Variants in GRID2 observed in about 807,000 individuals in gnomAD.
GRID2 encodes the protein glutamate ionotropic receptor delta type subunit 2.
A neutral mutation model predicts 114.8 loss-of-function variants in GRID2; 33 were observed. The observed-to-expected ratio is 0.29, with a 90% CI of 0.22 to 0.38. The LOEUF is 0.38. Ranked by LOEUF, GRID2 falls within the 10% of genes least tolerant of loss-of-function variation. The pLI is 1.00. For synonymous variants in GRID2, 505 were observed against 449.9 expected (o/e 1.12, Z -1.55); for missense variants, 1,184 against 1,257.7 (o/e 0.94, Z 0.89).
intron 3 of GRID2, among the ~76,000 whole-genome samples, chr4:93,108,480 GCT>G (rs1484968734): frequency 7.9e-5 from 12 of 152,192 alleles, no homozygotes; most frequent in African/African-American, 2.4e-4. Context: ...CTCTAGTCAT[GCT>G]CTGTTTTCTG....
chr4:92,397,705 C>G (rs1730568504), intron 1 of GRID2, among the ~76,000 whole-genome samples: 1 of 151,964 alleles, frequency 6.6e-6, no homozygotes, highest in Admixed American at 6.6e-5. Context: ...TAGCTCCCAT[C>G]ATGAGGGGAA....
At chr4:92,572,895 T>C (rs1223299161) in intron 1 of GRID2, among the ~76,000 whole-genome samples, 1 of 152,112 alleles carries the variant, frequency 6.6e-6, no homozygotes, top group African/African-American at 2.4e-5. Flanking sequence ...TCAGTAGGAA[T>C]GGTACTGGCT....
chr4:92,836,180 G>A (rs1280846319), intron 2 of GRID2, among the ~76,000 whole-genome samples: 3 of 152,124 alleles, frequency 2.0e-5, no homozygotes, highest in African/African-American at 4.8e-5. Context: ...GAGATCATAC[G>A]GTTGGCCAAG....
intron 2 of GRID2, among the ~76,000 whole-genome samples, chr4:92,865,021 C>T (rs1210975817): frequency 6.6e-6 from 1 of 152,070 alleles, no homozygotes; most frequent in Non-Finnish European, 1.5e-5. Flanking sequence ...TCTACTAAAC[C>T]TACAAAACTT....
intron 8 of GRID2, among the ~76,000 whole-genome samples, chr4:93,370,507 G>A (rs563638331): frequency 6.1e-5 from 9 of 146,898 alleles, no homozygotes; most frequent in Admixed American, 2.0e-4. Flanking sequence ...ACACACACAC[G>A]CACACACAGT....
intron 12 of GRID2, among the ~76,000 whole-genome samples, chr4:93,510,520 C>T (rs942325485): frequency 1.3e-5 from 2 of 152,116 alleles, no homozygotes; most frequent in Non-Finnish European, 2.9e-5. Flanking sequence ...TTTAATATAA[C>T]ATTATTTCAT....
intron 2 of GRID2, among the ~76,000 whole-genome samples, chr4:92,679,425 A>C (rs1733537364): frequency 6.6e-6 from 1 of 151,988 alleles, no homozygotes; most frequent in Non-Finnish European, 1.5e-5. Context: ...CCCTCTGTCT[A>C]CTTCTATCAC....
At position 93,210,403 on chromosome 4, in the gene GRID2, A is replaced by G. The variant is rs546639756; in HGVS notation, c.789+2946A>G. ...TCTCAAAGATCAGGTAGTTGCAGGT[A>G]TGCAGCCTTATATCTGGGCAATCTG... is the stretch of plus-strand genomic sequence containing the variant. On this transcript the variant is annotated intron_variant, in intron 5 of 15. Transcript: ENST00000282020. Among the ~76,000 whole-genome samples, 3 of 152,164 alleles carry G rather than the reference A, an allele frequency of 2.0e-5. No homozygotes were observed. In the East Asian group the frequency reaches 5.8e-4, roughly 29 times the overall value.
At chr4:92,776,735 C>A (rs1347443613) in intron 2 of GRID2, among the ~76,000 whole-genome samples, 2 of 151,912 alleles carry the variant, frequency 1.3e-5, no homozygotes, top group African/African-American at 4.8e-5. Flanking sequence ...AAATGAAGGT[C>A]TGCTATTTTC....
intron 2 of GRID2, among the ~76,000 whole-genome samples, chr4:92,986,629 T>C (rs1196018029): frequency 6.6e-6 from 1 of 152,138 alleles, no homozygotes; most frequent in African/African-American, 2.4e-5. Flanking sequence ...AATTTATTAA[T>C]ATAAAGGAAT....
At chr4:92,399,195 G>C (rs912495115) in intron 1 of GRID2, among the ~76,000 whole-genome samples, 1 of 152,118 alleles carries the variant, frequency 6.6e-6, no homozygotes, top group Non-Finnish European at 1.5e-5. Flanking sequence ...GCATCCTACC[G>C]TAATACAGGC....
At chr4:93,224,969 T>C (rs1046177660) in intron 7 of GRID2, among the ~76,000 whole-genome samples, 194 bp downstream of exon 7, 1 of 152,056 alleles carries the variant, frequency 6.6e-6, no homozygotes, top group Non-Finnish European at 1.5e-5. Flanking sequence ...TATTTATTTA[T>C]AAGGGAGTTT....
intron 11 of GRID2, among the ~76,000 whole-genome samples, chr4:93,477,315 G>A (rs1360722897): frequency 6.6e-6 from 1 of 152,092 alleles, no homozygotes; most frequent in African/African-American, 2.4e-5. Flanking sequence ...CATCTGTTAA[G>A]ACTATCACAA....
At chr4:93,341,286 C>T (rs895208449) in intron 8 of GRID2, among the ~76,000 whole-genome samples, 12 of 151,824 alleles carry the variant, frequency 7.9e-5, no homozygotes, top group Admixed American at 4.6e-4. Context: ...TTTTTTTCCC[C>T]TTTAAACAAT....
intron 1 of GRID2, among the ~76,000 whole-genome samples, chr4:92,522,886 G>A (rs1724858931): frequency 6.6e-6 from 1 of 151,958 alleles, no homozygotes; most frequent in African/African-American, 2.4e-5. Context: ...CGAGTAATTA[G>A]ATATTCAGAA....
At chr4:92,556,207 G>A (rs1344182183) in intron 1 of GRID2, among the ~76,000 whole-genome samples, 1 of 152,042 alleles carries the variant, frequency 6.6e-6, no homozygotes, top group Non-Finnish European at 1.5e-5. Context: ...AAAGGAAAAA[G>A]TTCCCTATAG....
At chr4:93,082,498 A>G (rs1729958284) in intron 2 of GRID2, among the ~76,000 whole-genome samples, 1 of 152,164 alleles carries the variant, frequency 6.6e-6, no homozygotes, top group Non-Finnish European at 1.5e-5. Flanking sequence ...ACTCTCTATG[A>G]GAAACCTGAC....
intron 13 of GRID2, among the ~76,000 whole-genome samples, chr4:93,527,309 A>G (rs988632233): frequency 1.3e-4 from 20 of 152,132 alleles, no homozygotes; most frequent in African/African-American, 4.8e-4. Flanking sequence ...ATTTTAAATC[A>G]ATATGTCTTG....
At chr4:93,015,862 A>T (rs1722646874) in intron 2 of GRID2, among the ~76,000 whole-genome samples, 1 of 152,010 alleles carries the variant, frequency 6.6e-6, no homozygotes, top group Non-Finnish European at 1.5e-5. Flanking sequence ...GCAAACCTCA[A>T]CCCCCCAAAC....
Sources: gnomAD v4.1 joint callset for allele counts (sites outside exome capture counted in the v4.1 genomes callset) on GRCh38, gnomAD v4.1.1 for gene constraint, MANE v1.5 for transcripts, NCBI Gene and HGNC (gene_info 2026-07-23, HGNC 2026-07-21) for gene names.